Variants in WDR26 observed in about 807,000 individuals in gnomAD.
WDR26 encodes the protein WD repeat domain 26, also known as WD repeat-containing protein 26.
In WDR26, 5 loss-of-function variants were observed where a neutral mutation model predicts 84.1. That is an observed-to-expected ratio of 0.06 (90% CI 0.03 to 0.13). The LOEUF is 0.13. Among genes scored for constraint, WDR26 ranks in the 10% least tolerant of loss-of-function variants. The probability of loss-of-function intolerance (pLI) is 1.00; values close to 1 mark genes in which losing one functional copy is unlikely to be tolerated. For missense variants in WDR26, 642 were observed against 974.9 expected (o/e 0.66, Z 4.55); for synonymous variants, 415 against 389.6 (o/e 1.07, Z -0.77).
rs1465960835 is a variant in WDR26, at chr1:224,388,239, A to AT, written c.*1595dup. ...TGGATTCTGGAGTCTATTCATGATC[A>AT]TAATTATATTATAGACTTGGCTACA... On this transcript the variant is annotated 3_prime_UTR_variant, in exon 14 of 14. Coordinates refer to ENST00000414423, the MANE Select transcript of WDR26 (RefSeq NM_001379403.1). The AT allele has an allele frequency of 6.6e-6, 1 of 152,206 alleles. No homozygotes were observed. Among genetic ancestry groups the AT allele is most frequent in the Non-Finnish European group, 1.5e-5 (1 of 68,034 alleles). The allele number at this position is 152,206 out of a possible 1,614,324, so 9.4% of individuals were successfully genotyped here.
At chr1:224,428,457 T>G (rs917470292) in intron 3 of WDR26, among the ~76,000 whole-genome samples, 11 of 152,236 alleles carry the variant, frequency 7.2e-5, no homozygotes, top group Non-Finnish European at 1.5e-5. Context: ...TAGTTAATTA[T>G]AGATGCCAAT....
intron 12 of WDR26, among the ~76,000 whole-genome samples, chr1:224,395,606 G>GAA (rs10717023): frequency 3.7e-5 from 5 of 134,878 alleles, no homozygotes; most frequent in Non-Finnish European, 3.2e-5. Flanking sequence ...ATGAAATTAG[G>GAA]AAAAAAAAAA....
chr1:224,399,607 G>C (rs886595217), intron 9 of WDR26, among the ~76,000 whole-genome samples: 1 of 152,108 alleles, frequency 6.6e-6, no homozygotes, highest in Non-Finnish European at 1.5e-5. Flanking sequence ...AGATAATCCT[G>C]TATCTTGATG....
At chr1:224,401,189 T>A (rs1195430584) in intron 8 of WDR26, 120 bp from the exon 9 acceptor site, 1 of 923,938 alleles carries the variant, frequency 1.1e-6, no homozygotes, top group Admixed American at 2.8e-5. Flanking sequence ...AGTAGAGTAA[T>A]GAATTAAGTG....
At chr1:224,401,184 A>G in intron 8 of WDR26, 115 bp from the exon 9 acceptor site, 1 of 1,011,886 alleles carries the variant, frequency 9.9e-7, no homozygotes. Flanking sequence ...TTCTAAGTAG[A>G]GTAATGAATT....
At chr1:224,406,800 T>C (rs1673578835) in intron 7 of WDR26, among the ~76,000 whole-genome samples, 2 of 152,080 alleles carry the variant, frequency 1.3e-5, no homozygotes, top group South Asian at 4.1e-4. Context: ...AAAGATTTGC[T>C]TTTAAACTGA....
intron 13 of WDR26, among the ~76,000 whole-genome samples, chr1:224,390,204 C>T (rs1449372517): frequency 6.6e-6 from 1 of 152,222 alleles, no homozygotes; most frequent in Non-Finnish European, 1.5e-5. Flanking sequence ...ACTGCAACCT[C>T]TGCCTCCTTG....
intron 4 of WDR26, among the ~76,000 whole-genome samples, chr1:224,422,984 A>C (rs1438637183): frequency 6.6e-6 from 1 of 152,190 alleles, no homozygotes; most frequent in Non-Finnish European, 1.5e-5. Flanking sequence ...GTAGAGGTTA[A>C]ATTTATTCCT....
rs143477567 is a variant in WDR26 at position 224,423,665 on chromosome 1, T to C, written c.1064+853A>G. On this transcript the variant is annotated intron_variant, in intron 4 of 13. Transcript: ENST00000414423. ...TAGGAGGGTGAGGCAGGAGGATGGC[T>C]TGAGCCCAGAAACTAGAGGTGGCAG... 2.8e-3 allele frequency among the ~76,000 whole-genome samples: 419 copies of C among 152,312 alleles called. 2 individuals carry two copies. The highest frequency in any genetic ancestry group is 2.1e-3 in the Non-Finnish European group (142 of 68,026).
rs1215066407 is a variant in WDR26, at chr1:224,388,008, A to C, written c.*1827T>G. The stretch of plus-strand genomic sequence containing the variant: ...GGTCTCTGCAAAATGGAGCTTGAAG[A>C]AATCTTTTACATACCAATTTGATAA... On this transcript the variant is annotated 3_prime_UTR_variant, in exon 14 of 14. Coordinates refer to ENST00000414423, the MANE Select transcript of WDR26 (RefSeq NM_001379403.1). The C allele has an allele frequency of 6.6e-6, 1 of 152,642 alleles. No individual in the cohort carries two copies. Among genetic ancestry groups the C allele is most frequent in the Non-Finnish European group, 1.5e-5 (1 of 68,030 alleles). The allele number at this position is 152,642 out of a possible 1,614,324, so 9.5% of individuals were successfully genotyped here. A position where few individuals can be genotyped will look rare whatever the true frequency, so the allele number is the denominator to read the frequency against.
rs930726222 is a variant in WDR26 at position 224,407,511 on chromosome 1, A to T, written c.1459-2941T>A. ...CATATATATATATATACATATATAA[A>T]TTTTTTTTTTTTTTTGAGATGGAGT... is the stretch of plus-strand genomic sequence containing the variant. On this transcript the variant is annotated intron_variant, in intron 7 of 13. Coordinates refer to ENST00000414423, the MANE Select transcript of WDR26 (RefSeq NM_001379403.1). Among the ~76,000 whole-genome samples the T allele has an allele frequency of 2.8e-4, 40 of 141,690 alleles. No homozygotes were observed. The East Asian group carries it at 4.3e-3, about 15-fold the overall frequency. The allele number at this position is 141,690 out of a possible 152,430, so 93.0% of individuals were successfully genotyped here. A position where few individuals can be genotyped will look rare whatever the true frequency, so the allele number is the denominator to read the frequency against.
Position 224,431,893 on chromosome 1 carries a change from TGAA to T in WDR26, c.723-115_723-113del, listed in dbSNP as rs372837928. ...CAAAGTTTTTAAGCTAGCCTCATGA[TGAA>T]GAAAAAAATAGCTTTCATGTGCCTG... On this transcript the variant is annotated intron_variant, in intron 1 of 13. Coordinates refer to ENST00000414423, the MANE Select transcript of WDR26 (RefSeq NM_001379403.1). 1.3e-4 allele frequency: 101 copies of T among 807,254 alleles called. 2 individuals are homozygous for T. The East Asian group carries it at 1.5e-3, about 12-fold the overall frequency. The allele number at this position is 807,254 out of a possible 1,614,324, so 50.0% of individuals were successfully genotyped here.
chr1:224,385,767 G>C lies in WDR26; in HGVS notation c.*4068C>G, dbSNP rs1672979156. 1 of 152,484 alleles carries C rather than the reference G, an allele frequency of 6.6e-6. No homozygotes were observed. Among genetic ancestry groups the C allele is most frequent in the Admixed American group, 6.6e-5 (1 of 15,248 alleles). 9.4% of individuals were successfully genotyped at this position (152,484 alleles called of 1,614,324 possible). On this transcript the variant is annotated 3_prime_UTR_variant, in exon 14 of 14. Transcript: ENST00000414423. Reference sequence around the variant, plus strand: ...CTGTGCCTAAAAATGTTACAATTCAGTTCTAGCACATTGACCCTGATAATG... The same window carrying C: ...CTGTGCCTAAAAATGTTACAATTCACTTCTAGCACATTGACCCTGATAATG...
chr1:224,394,607 C>T (rs1453199955), intron 12 of WDR26, among the ~76,000 whole-genome samples: 8 of 144,562 alleles, frequency 5.5e-5, no homozygotes, highest in Middle Eastern at 3.4e-3. Flanking sequence ...CGGGTTCAAG[C>T]GATTCTCCTG....
At chr1:224,415,651 C>T (rs1024673216) in intron 6 of WDR26, among the ~76,000 whole-genome samples, 4 of 151,912 alleles carry the variant, frequency 2.6e-5, no homozygotes, top group Non-Finnish European at 5.9e-5. Context: ...TTAGTAGAGA[C>T]AGGGTTACAC....
At position 224,387,031 on chromosome 1, in the gene WDR26, G is replaced by A. The variant is rs1673005832; in HGVS notation, c.*2804C>T. The A allele has an allele frequency of 6.6e-6, 1 of 152,510 alleles. No homozygotes were observed. The highest frequency in any genetic ancestry group is 1.5e-5 in the Non-Finnish European group (1 of 68,002). The allele number at this position is 152,510 out of a possible 1,614,324, so 9.4% of individuals were successfully genotyped here. On this transcript the variant is annotated 3_prime_UTR_variant, in exon 14 of 14. Coordinates refer to ENST00000414423, the MANE Select transcript of WDR26 (RefSeq NM_001379403.1). ...GACATTTAATTTTATATTTGCTCTA[G>A]CCCTTAATCAATGCATAACAACAAA...
Position 224,387,913 on chromosome 1 carries a change from C to A in WDR26, c.*1922G>T, listed in dbSNP as rs939172399. 1.3e-5 allele frequency: 2 copies of A among 152,384 alleles called. No homozygotes were observed. Among genetic ancestry groups the A allele is most frequent in the African/African-American group, 4.8e-5 (2 of 41,344 alleles). The allele number at this position is 152,384 out of a possible 1,614,324, so 9.4% of individuals were successfully genotyped here. The stretch of plus-strand genomic sequence containing the variant: ...AATTTTAGTTAAGAAAAATGAAGTA[C>A]CAGATAAACTGTAACATATATTTTA... On this transcript the variant is annotated 3_prime_UTR_variant, in exon 14 of 14. Coordinates refer to ENST00000414423, the MANE Select transcript of WDR26 (RefSeq NM_001379403.1).
rs1167288559 is a variant in WDR26 at position 224,388,452 on chromosome 1, G to A, written c.*1383C>T. ...GTTTAAAAGCACAATGTGAACATCA[G>A]GCTTTTGGCTTATTTTAAATGTGAA... On this transcript the variant is annotated 3_prime_UTR_variant, in exon 14 of 14. Coordinates refer to ENST00000414423, the MANE Select transcript of WDR26 (RefSeq NM_001379403.1). 1 of 152,206 alleles carries A rather than the reference G, an allele frequency of 6.6e-6. No individual in the cohort carries two copies. Among genetic ancestry groups the A allele is most frequent in the East Asian group, 1.9e-4 (1 of 5,192 alleles). 9.4% of individuals were successfully genotyped at this position (152,206 alleles called of 1,614,324 possible).
At chr1:224,410,697 T>TTC (rs1553356759) in intron 7 of WDR26, among the ~76,000 whole-genome samples, 1 of 145,232 alleles carries the variant, frequency 6.9e-6, no homozygotes, top group Non-Finnish European at 1.5e-5. Context: ...TTTCTTTCTT[T>TTC]TTTTTTTTTT....
Sources: gnomAD v4.1 joint callset for allele counts (sites outside exome capture counted in the v4.1 genomes callset) on GRCh38, gnomAD v4.1.1 for gene constraint, MANE v1.5 for transcripts, NCBI Gene and HGNC (gene_info 2026-07-23, HGNC 2026-07-21) for gene names.